The following NRXN3 variants were observed in gnomAD, a reference collection of about 807,000 sequenced individuals.
The protein encoded by NRXN3 is neurexin 3.
Under a neutral mutation model 137.6 loss-of-function variants are expected in NRXN3, and 32 were observed. That is an observed-to-expected ratio of 0.23 (90% CI 0.18 to 0.31). The LOEUF is 0.31. Among genes scored for constraint, NRXN3 ranks in the 10% least tolerant of loss-of-function variants. The pLI, the probability that NRXN3 is intolerant of heterozygous loss-of-function variation, is 1.00. For missense variants in NRXN3, 1,574 were observed against 2,062.5 expected (o/e 0.76, Z 4.59); for synonymous variants, 798 against 784.5 (o/e 1.02, Z -0.29).
At chr14:78,363,685 C>T (rs1365123608) in intron 4 of NRXN3, among the ~76,000 whole-genome samples, 1 of 152,150 alleles carries the variant, frequency 6.6e-6, no homozygotes, top group African/African-American at 2.4e-5. Flanking sequence ...GCTGTGTGTT[C>T]TGTCCTCTGA....
chr14:79,238,000 G>T (rs912378875), intron 15 of NRXN3, among the ~76,000 whole-genome samples: 2 of 152,040 alleles, frequency 1.3e-5, no homozygotes, highest in African/African-American at 4.8e-5. Context: ...TAATTATGAG[G>T]TATTTTTAAA....
chr14:78,341,837 CAG>C (rs887923342), intron 4 of NRXN3, among the ~76,000 whole-genome samples: 26 of 152,268 alleles, frequency 1.7e-4, no homozygotes, highest in African/African-American at 6.3e-4. Flanking sequence ...AGCTGATAAA[CAG>C]TCTTTACATC....
intron 17 of NRXN3, among the ~76,000 whole-genome samples, chr14:79,668,059 A>G (rs569828294): frequency 2.6e-5 from 4 of 152,142 alleles, no homozygotes; most frequent in Non-Finnish European, 2.9e-5. Flanking sequence ...AGCAGGGCAT[A>G]CCAACTCAGT....
At chr14:79,811,983 T>C (rs1451492029) in intron 20 of NRXN3, among the ~76,000 whole-genome samples, 1 of 152,158 alleles carries the variant, frequency 6.6e-6, no homozygotes, top group Non-Finnish European at 1.5e-5. Context: ...TGAAATGCTT[T>C]GAAAATTAGG....
chr14:78,920,076 T>C (rs1025165985), intron 10 of NRXN3, among the ~76,000 whole-genome samples: 2 of 152,218 alleles, frequency 1.3e-5, no homozygotes, highest in African/African-American at 4.8e-5. Context: ...ACAATCAGCA[T>C]GTCTTACAGC....
intron 10 of NRXN3, among the ~76,000 whole-genome samples, chr14:78,942,235 T>C (rs927324981): frequency 6.6e-6 from 1 of 152,200 alleles, no homozygotes; most frequent in African/African-American, 2.4e-5. Flanking sequence ...TTTCTTTCTC[T>C]CTACCAACCT....
intron 15 of NRXN3, among the ~76,000 whole-genome samples, chr14:79,435,977 A>C (rs2095840624): frequency 6.6e-6 from 1 of 152,146 alleles, no homozygotes; most frequent in South Asian, 2.1e-4. Flanking sequence ...TTTGATAAAA[A>C]GGGAGAGAGG....
chr14:79,003,887 T>G (rs1486187582), intron 15 of NRXN3, among the ~76,000 whole-genome samples: 5 of 152,188 alleles, frequency 3.3e-5, no homozygotes, highest in African/African-American at 4.8e-5. Context: ...CAGAATCCTG[T>G]GGGCTCTGTG....
At chr14:78,775,361 G>C (rs1171046077) in intron 8 of NRXN3, among the ~76,000 whole-genome samples, 1 of 152,216 alleles carries the variant, frequency 6.6e-6, no homozygotes, top group Non-Finnish European at 1.5e-5. Flanking sequence ...TCATGGTTAA[G>C]AGCAACTTGT....
At chr14:78,213,541 A>G (rs1410542070) in intron 1 of NRXN3, among the ~76,000 whole-genome samples, 3 of 152,188 alleles carry the variant, frequency 2.0e-5, no homozygotes, top group South Asian at 2.1e-4. Flanking sequence ...GAAGTCCCCA[A>G]GCAAGAGTTG....
At chr14:79,712,165 T>C (rs1471201339) in intron 19 of NRXN3, among the ~76,000 whole-genome samples, 1 of 152,230 alleles carries the variant, frequency 6.6e-6, no homozygotes, top group Non-Finnish European at 1.5e-5. Context: ...TCCTGCTCTA[T>C]ACTGGTAACC....
At chr14:79,187,594 AAGC>A in intron 15 of NRXN3, among the ~76,000 whole-genome samples, 5 of 7,628 alleles carry the variant, frequency 6.6e-4, no homozygotes, top group Admixed American at 3.9e-3. Context: ...AAAAATGTGT[AAGC>A]ATGCAGTGAG....
chr14:78,939,111 C>A (rs984762783), intron 10 of NRXN3, among the ~76,000 whole-genome samples: 1 of 152,014 alleles, frequency 6.6e-6, no homozygotes, highest in African/African-American at 2.4e-5. Flanking sequence ...TCCCAAAGTG[C>A]TGGGATTACA....
At chr14:78,826,911 A>C (rs1206983015) in intron 10 of NRXN3, among the ~76,000 whole-genome samples, 1 of 152,180 alleles carries the variant, frequency 6.6e-6, no homozygotes, top group African/African-American at 2.4e-5. Context: ...CAATAGATAC[A>C]TGCTTTATTT....
At chr14:78,269,816 C>G (rs1265414886) in intron 2 of NRXN3, among the ~76,000 whole-genome samples, 1 of 152,142 alleles carries the variant, frequency 6.6e-6, no homozygotes, top group Admixed American at 6.5e-5. Flanking sequence ...ACCTGCTTCT[C>G]CTAGAACATT....
At chr14:79,813,562 C>CA (rs1004638482) in intron 20 of NRXN3, among the ~76,000 whole-genome samples, 3 of 152,026 alleles carry the variant, frequency 2.0e-5, no homozygotes, top group East Asian at 3.9e-4. Flanking sequence ...TCAAACAAGG[C>CA]AAAAAAATCT....
intron 15 of NRXN3, among the ~76,000 whole-genome samples, chr14:79,440,369 ATTG>A (rs2095914839): frequency 1.3e-5 from 2 of 152,200 alleles, no homozygotes; most frequent in African/African-American, 4.8e-5. Flanking sequence ...TGTTGTTACT[ATTG>A]TTTCTTAAAG....
At chr14:78,611,366 G>C (rs1395280209) in intron 4 of NRXN3, among the ~76,000 whole-genome samples, 1 of 150,284 alleles carries the variant, frequency 6.7e-6, no homozygotes, top group East Asian at 1.9e-4. Flanking sequence ...CCCTCCTCCT[G>C]GTTTCTCTCC....
At chr14:78,799,496 C>T (rs953201755) in intron 8 of NRXN3, among the ~76,000 whole-genome samples, 2 of 152,172 alleles carry the variant, frequency 1.3e-5, no homozygotes, top group African/African-American at 4.8e-5. Flanking sequence ...CCATGTTTTT[C>T]TGTCTTTTCC....
Sources: allele counts gnomAD v4.1 joint callset (sites outside exome capture counted in the v4.1 genomes callset), GRCh38; gene constraint gnomAD v4.1.1; transcripts MANE v1.5; gene names NCBI Gene and HGNC (gene_info 2026-07-23, HGNC 2026-07-21).